Variants in NRXN1 observed in about 807,000 individuals in gnomAD.
NRXN1 encodes neurexin-1.
In NRXN1, 39 loss-of-function variants were observed where a neutral mutation model predicts 150.9. The ratio of observed to expected loss-of-function variants is 0.26; its 90% CI spans 0.20 to 0.34. NRXN1 has a LOEUF of 0.34. Among genes scored for constraint, NRXN1 ranks in the 10% least tolerant of loss-of-function variants. NRXN1 has a pLI of 1.00. For missense variants in NRXN1, 1,815 were observed against 1,949.9 expected (o/e 0.93, Z 1.30); for synonymous variants, 924 against 757.0 (o/e 1.22, Z -3.62).
chr2:50,437,916 C>A (rs1369589415), intron 17 of NRXN1, among the ~76,000 whole-genome samples: 1 of 152,144 alleles, frequency 6.6e-6, no homozygotes, highest in Non-Finnish European at 1.5e-5. Context: ...AACACAATTT[C>A]TTCCAATTAA....
At chr2:50,982,437 A>C (rs1696978666) in intron 2 of NRXN1, among the ~76,000 whole-genome samples, 1 of 152,150 alleles carries the variant, frequency 6.6e-6, no homozygotes, top group Non-Finnish European at 1.5e-5. Context: ...CACTGAATAC[A>C]TGCTCTGAAC....
intron 2 of NRXN1, among the ~76,000 whole-genome samples, chr2:50,996,762 G>T (rs1381684023): frequency 2.6e-5 from 4 of 151,974 alleles, no homozygotes; most frequent in African/African-American, 9.7e-5. Flanking sequence ...TCAGTCAACA[G>T]CCACTCTAAC....
At chr2:50,593,227 A>C (rs1450729188) in intron 8 of NRXN1, among the ~76,000 whole-genome samples, 2 of 152,226 alleles carry the variant, frequency 1.3e-5, no homozygotes, top group Non-Finnish European at 2.9e-5. Context: ...ACCCAATCTT[A>C]TGTAAATGCA....
chr2:50,508,977 A>G (rs1295435920), intron 12 of NRXN1, among the ~76,000 whole-genome samples: 3 of 152,192 alleles, frequency 2.0e-5, no homozygotes, highest in Non-Finnish European at 4.4e-5. Context: ...CAGTTGCTAG[A>G]TCATGATTTC....
chr2:50,393,577 T>C (rs779862763), intron 17 of NRXN1, among the ~76,000 whole-genome samples: 5 of 152,160 alleles, frequency 3.3e-5, no homozygotes, highest in Non-Finnish European at 5.9e-5. Flanking sequence ...AGTCTGGATT[T>C]TTTGAAAACT....
At chr2:50,948,434 C>A (rs1203326772) in intron 2 of NRXN1, among the ~76,000 whole-genome samples, 1 of 151,966 alleles carries the variant, frequency 6.6e-6, no homozygotes, top group Non-Finnish European at 1.5e-5. Flanking sequence ...AAAAAACACA[C>A]TTAAAATATA....
At chr2:50,621,088 A>G (rs918967670) in intron 7 of NRXN1, 138 bp downstream of exon 7, 2 of 646,996 alleles carry the variant, frequency 3.1e-6, no homozygotes, top group African/African-American at 3.8e-5. Flanking sequence ...AAGGAGGTCA[A>G]AGTAAGCAGA....
chr2:50,996,536 G>A (rs1371666645), intron 2 of NRXN1, among the ~76,000 whole-genome samples: 1 of 152,000 alleles, frequency 6.6e-6, no homozygotes, highest in Non-Finnish European at 1.5e-5. Flanking sequence ...ATAGAAAGGA[G>A]CCCTGGAATG....
At chr2:50,597,581 G>A (rs1675448415) in intron 8 of NRXN1, among the ~76,000 whole-genome samples, 1 of 152,158 alleles carries the variant, frequency 6.6e-6, no homozygotes, top group African/African-American at 2.4e-5. Flanking sequence ...TTCCCAGAAT[G>A]AGCATGGCAT....
At chr2:50,472,221 G>A in intron 16 of NRXN1, 77 bp downstream of exon 16, 1 of 1,257,020 alleles carries the variant, frequency 8.0e-7, no homozygotes, top group Middle Eastern at 2.0e-4. Flanking sequence ...TCAGAATTTT[G>A]CTGGACAGTG....
chr2:50,842,798 C>T (rs1238709522), intron 5 of NRXN1, among the ~76,000 whole-genome samples: 1 of 152,102 alleles, frequency 6.6e-6, no homozygotes, highest in African/African-American at 2.4e-5. Flanking sequence ...TTTTTATTTA[C>T]AGATTTTCAT....
At chr2:50,097,191 T>G (rs1700336765) in intron 18 of NRXN1, among the ~76,000 whole-genome samples, 1 of 152,208 alleles carries the variant, frequency 6.6e-6, no homozygotes, top group South Asian at 2.1e-4. Context: ...TCTCTGTGTC[T>G]GTTTACTATA....
intron 17 of NRXN1, among the ~76,000 whole-genome samples, chr2:50,339,419 C>T (rs1224232934): frequency 1.3e-5 from 2 of 152,086 alleles, no homozygotes; most frequent in Non-Finnish European, 2.9e-5. Context: ...TTCTGAATTT[C>T]ACAACAAAAA....
chr2:50,696,802 T>C (rs925228023), intron 5 of NRXN1, among the ~76,000 whole-genome samples: 26 of 152,294 alleles, frequency 1.7e-4, no homozygotes, highest in African/African-American at 6.0e-4. Context: ...TTTCATATAC[T>C]ACCAGGAGTC....
intron 8 of NRXN1, among the ~76,000 whole-genome samples, chr2:50,560,459 T>C (rs2160445): frequency 6.7e-6 from 1 of 150,188 alleles, no homozygotes; most frequent in East Asian, 2.0e-4. Context: ...TTTATTTACT[T>C]AGAAGCCGTC....
intron 2 of NRXN1, among the ~76,000 whole-genome samples, chr2:50,989,474 G>C (rs1308183193): frequency 6.6e-6 from 1 of 151,842 alleles, no homozygotes; most frequent in Non-Finnish European, 1.5e-5. Flanking sequence ...CTACAACCCA[G>C]GCATTTAGCA....
chr2:49,929,052 C>A (rs1669655131), intron 22 of NRXN1, among the ~76,000 whole-genome samples: 1 of 152,108 alleles, frequency 6.6e-6, no homozygotes, highest in Non-Finnish European at 1.5e-5. Flanking sequence ...TCAAAACCAC[C>A]AAAGCATGCA....
rs140949105 is a variant in NRXN1 at position 50,975,968 on chromosome 2, C to T, written c.773-50013G>A. On this transcript the variant is annotated intron_variant, in intron 2 of 22. Transcript: ENST00000401669. ...GCCTTATTAAGCAATGGCTTAGGGA[C>T]ACTGTGGCACAATTCTTTTTACATA... Among the ~76,000 whole-genome samples the T allele has an allele frequency of 3.1e-4, 47 of 152,144 alleles. No homozygotes were observed. The East Asian group carries it at 9.1e-3, about 29-fold the overall frequency.
At chr2:50,514,179 A>G (rs1441539976) in intron 12 of NRXN1, among the ~76,000 whole-genome samples, 1 of 152,196 alleles carries the variant, frequency 6.6e-6, no homozygotes, top group African/African-American at 2.4e-5. Context: ...CTGCAAAACC[A>G]TCACCTAACA....
Sources: gnomAD v4.1 joint callset for allele counts (sites outside exome capture counted in the v4.1 genomes callset) on GRCh38, gnomAD v4.1.1 for gene constraint, MANE v1.5 for transcripts, NCBI Gene and HGNC (gene_info 2026-07-23, HGNC 2026-07-21) for gene names.